The following CARD6 variants were observed in gnomAD, a reference collection of about 807,000 sequenced individuals.
CARD6 encodes the protein caspase recruitment domain-containing protein 6.
A neutral mutation model predicts 23.6 loss-of-function variants in CARD6; 27 were observed. That is an observed-to-expected ratio of 1.14 (90% CI 0.84 to 1.58). The LOEUF is 1.58. CARD6 is among the 40% of genes most tolerant of loss of function. The probability of loss-of-function intolerance (pLI) is 0.00; values close to 1 mark genes in which losing one functional copy is unlikely to be tolerated. For missense variants in CARD6, 1,214 were observed against 1,209.9 expected, an observed-to-expected ratio of 1.00 and a Z score of -0.05; for synonymous variants, 397 against 431.8, an observed-to-expected ratio of 0.92 and a Z score of 1.00.
At position 40,852,342 on chromosome 5, in the gene CARD6, A is replaced by T. The variant is rs1746081250; in HGVS notation, c.1010A>T (p.Asp337Val). Residue 337 changes from aspartate (D) to valine (V), a missense_variant, in exon 3 of 3, where the codon GAT becomes GTT. Asp to Val is a radical substitution (Grantham distance 152, BLOSUM62 -3). Transcript: ENST00000254691. ...TTCCTGATGAAAGTTCAAGCACGAG[A>T]TGTGACGGCTAGGGATTCAATCCTC... ...WNFLMKVQAR[D>V]VTARDSILSH... 1 of 1,614,012 alleles carries T rather than the reference A, an allele frequency of 6.2e-7. No homozygotes were observed. The highest frequency in any genetic ancestry group is 1.3e-5 in the African/African-American group (1 of 74,922).
In CARD6 at chr5:40,845,308, G is replaced by A. The variant is rs967079669; in HGVS notation, c.841+1599G>A. ...TTCAAATGTCCTTGTCCCTGAGTGT[G>A]CACCCCTTTGGCCAAAATAAAAAAG... On this transcript the variant is annotated intron_variant, in intron 2 of 2. Coordinates refer to ENST00000254691, the MANE Select transcript of CARD6 (RefSeq NM_032587.4). 2.6e-4 allele frequency among the ~76,000 whole-genome samples: 39 copies of A among 152,050 alleles called. 1 individual carries two copies. The highest frequency in any genetic ancestry group is 8.7e-4 in the African/African-American group (36 of 41,374).
At position 40,850,721 on chromosome 5, in the gene CARD6, CAAAAAAAAAAAAAAA is replaced by C; in HGVS notation, c.842-1442_842-1428del. Among the ~76,000 whole-genome samples, 2 of 46,542 alleles carry C rather than the reference CAAAAAAAAAAAAAAA, an allele frequency of 4.3e-5. 1 individual carries two copies. Among genetic ancestry groups the C allele is most frequent in the East Asian group, 1.7e-3 (2 of 1,212 alleles). 30.5% of individuals were successfully genotyped at this position (46,542 alleles called of 152,430 possible). A position where few individuals can be genotyped will look rare whatever the true frequency, so the allele number is the denominator to read the frequency against. ...TGGTGACAGAGTGAGACTCCGTCTCCAAAAAAAAAAAAAAAAAAAAAAAAACCAGTATCAACCTAG... is the reference window on the plus strand; with the variant it reads ...TGGTGACAGAGTGAGACTCCGTCTCCAAAAAAAAAACCAGTATCAACCTAG... On this transcript the variant is annotated intron_variant, in intron 2 of 2. Transcript: ENST00000254691.
chr5:40,854,093 CA>C lies in CARD6; in HGVS notation c.2763del (p.Gly922ValfsTer10). 6.2e-7 allele frequency: 1 copy of C among 1,614,220 alleles called. No homozygotes were observed. Among genetic ancestry groups the C allele is most frequent in the Non-Finnish European group, 8.5e-7 (1 of 1,180,046 alleles). On this transcript the variant is annotated frameshift_variant, in exon 3 of 3. Coordinates refer to ENST00000254691, the MANE Select transcript of CARD6 (RefSeq NM_032587.4). LOFTEE classifies it low-confidence loss of function (END_TRUNC). ...TCAGCAAGGAGTCCAGATGAAGACA[CA>C]AGGTGGGGCTTCAAATCCAGCTCTC... Reference protein sequence around the residue: ...ASQQGVQMKTQGGASNPALQI... With the variant: ...ASQQGVQMKTXGGASNPALQI...
chr5:40,852,630 C>G lies in CARD6; in HGVS notation c.1298C>G (p.Thr433Arg), dbSNP rs531378160. ...AAAGACATTGTGAAGAAGCAGTCAA[C>G]ACAGTTTTCAGGGGGGCCTACAGAG... ...AMKDIVKKQS[T>R]QFSGGPTEDT... Residue 433 changes from threonine to arginine, a missense_variant, in exon 3 of 3, where the codon ACA (threonine) becomes AGA (arginine). Coordinates refer to ENST00000254691, the MANE Select transcript of CARD6 (RefSeq NM_032587.4). 15 of 1,614,162 alleles carry G rather than the reference C, an allele frequency of 9.3e-6. No homozygotes were observed. Among genetic ancestry groups the G allele is most frequent in the Non-Finnish European group, 1.2e-5 (14 of 1,180,024 alleles).
rs771278080 is a variant in CARD6 at position 40,853,127 on chromosome 5, A to T, written c.1795A>T (p.Ile599Leu). ...ESEEAQIFQR[I>L]LNLKPAQLLF... ...TGAAGAGGCTCAAATTTTTCAGAGGATACTGAACTTGAAGCCAGCACAGCT... is the reference window on the plus strand; with the variant it reads ...TGAAGAGGCTCAAATTTTTCAGAGGTTACTGAACTTGAAGCCAGCACAGCT... Residue 599 changes from isoleucine (I) to leucine (L), a missense_variant, in exon 3 of 3, where the codon ATA (isoleucine) becomes TTA (leucine). By Grantham distance (5) the Ile-to-Leu change is conservative. Transcript: ENST00000254691. 3.1e-6 allele frequency: 5 copies of T among 1,614,096 alleles called. No individual in the cohort carries two copies. The highest frequency in any genetic ancestry group is 4.2e-6 in the Non-Finnish European group (5 of 1,180,006).
intron 2 of CARD6, among the ~76,000 whole-genome samples, chr5:40,847,424 C>T (rs774818896): frequency 1.3e-5 from 2 of 152,116 alleles, no homozygotes; most frequent in Non-Finnish European, 2.9e-5. Flanking sequence ...GTTTACCTTT[C>T]CCTGTGGCCT....
intron 1 of CARD6, 74 bp downstream of exon 1, chr5:40,841,739 G>A: frequency 8.1e-7 from 1 of 1,235,082 alleles, no homozygotes; most frequent in South Asian, 1.7e-5. Context: ...CAAAATGAAA[G>A]AAAATTGTTG....
intron 2 of CARD6, among the ~76,000 whole-genome samples, chr5:40,843,967 G>A (rs996709433): frequency 8.5e-5 from 13 of 152,166 alleles, no homozygotes; most frequent in East Asian, 1.9e-4. Flanking sequence ...TCTGTAGTTC[G>A]TATAAGGAGT....
In CARD6 at chr5:40,853,286, G is replaced by A; in HGVS notation, c.1954G>A (p.Glu652Lys). Residue 652 changes from glutamate to lysine, a missense_variant, in exon 3 of 3, where the codon GAG becomes AAG. By Grantham distance (56) the Glu-to-Lys change is moderately conservative (BLOSUM62 1). Coordinates refer to ENST00000254691, the MANE Select transcript of CARD6 (RefSeq NM_032587.4). ...SVEDMAALAR[E>K]LGIQVDEDFE... The stretch of plus-strand genomic sequence containing the variant: ...GGAGGATATGGCCGCCCTGGCCAGG[G>A]AGCTGGGGATTCAGGTAGATGAAGA... The A allele has an allele frequency of 2.5e-6, 4 of 1,614,198 alleles. No homozygotes were observed. The highest frequency in any genetic ancestry group is 1.3e-5 in the African/African-American group (1 of 75,044).
Position 40,852,155 on chromosome 5 carries a change from A to G in CARD6, c.842-19A>G. Reference sequence around the variant, plus strand: ...TGAAACTCTGAACATGGCATTCACTATTATCTTCTCTCCTACAGAAAGAAA... The same window carrying G: ...TGAAACTCTGAACATGGCATTCACTGTTATCTTCTCTCCTACAGAAAGAAA... On this transcript the variant is annotated intron_variant, in intron 2 of 2. Transcript: ENST00000254691. 2 of 1,500,114 alleles carry G rather than the reference A, an allele frequency of 1.3e-6. No homozygotes were observed. The highest frequency in any genetic ancestry group is 2.4e-5 in the South Asian group (2 of 83,532). The allele number at this position is 1,500,114 out of a possible 1,614,324, so 92.9% of individuals were successfully genotyped here.
chr5:40,851,182 T>C (rs1746059243), intron 2 of CARD6, among the ~76,000 whole-genome samples: 1 of 151,684 alleles, frequency 6.6e-6, no homozygotes, highest in Non-Finnish European at 1.5e-5. Flanking sequence ...ATACAAAAAT[T>C]AGCTTGGTGT....
chr5:40,843,144 CT>C lies in CARD6; in HGVS notation c.284-5del. Reference sequence around the variant, plus strand: ...CTTAATTGGGAAAAACAATTCTTTTCTTTGCAGAAGTTTTAAAACATGAGAA... The same window carrying C: ...CTTAATTGGGAAAAACAATTCTTTTCTTGCAGAAGTTTTAAAACATGAGAA... On this transcript the variant is annotated splice_polypyrimidine_tract_variant and splice_region_variant and intron_variant, in intron 1 of 2. Coordinates refer to ENST00000254691, the MANE Select transcript of CARD6 (RefSeq NM_032587.4). 1.9e-6 allele frequency: 3 copies of C among 1,554,428 alleles called. No individual in the cohort carries two copies. Among genetic ancestry groups the C allele is most frequent in the South Asian group, 1.2e-5 (1 of 81,658 alleles).
rs778397397 is a variant in CARD6 at position 40,853,397 on chromosome 5, C to T, written c.2065C>T (p.Gln689Ter). The T allele has an allele frequency of 1.2e-6, 2 of 1,614,126 alleles. No homozygotes were observed. The highest frequency in any genetic ancestry group is 1.7e-6 in the Non-Finnish European group (2 of 1,180,020). The change falls in exon 3 of 3, where the codon CAG (glutamine) becomes TAG (stop). Residue 689 changes from glutamine to a stop codon, truncating the protein, a stop_gained. Transcript: ENST00000254691. LOFTEE classifies it low-confidence loss of function (END_TRUNC). The part of the protein sequence containing the change: ...AEGEGQQRHS[Q>*]LKSSSKSQAL... ...AGGTGAGGGTCAGCAAAGACACAGT[C>T]AGCTAAAAAGCTCATCTAAAAGCCA...
chr5:40,843,733 A>C, intron 2 of CARD6, 24 bp downstream of exon 2: 1 of 1,432,562 alleles, frequency 7.0e-7, no homozygotes, highest in Non-Finnish European at 9.3e-7. Flanking sequence ...TTGTATAGTT[A>C]GTTAGGCAAC....
At position 40,848,924 on chromosome 5, in the gene CARD6, T is replaced by C. The variant is rs183457362; in HGVS notation, c.842-3250T>C. Among the ~76,000 whole-genome samples, 288 of 152,296 alleles carry C rather than the reference T, an allele frequency of 1.9e-3. 1 individual carries two copies. The highest frequency in any genetic ancestry group is 4.9e-3 in the African/African-American group (203 of 41,564). On this transcript the variant is annotated intron_variant, in intron 2 of 2. Transcript: ENST00000254691. ...GATACATCTCTGTTTTGTGTGTACA[T>C]CTACTCTGTTGCTTTGATCTGCTCC...
chr5:40,853,563 A>G lies in CARD6; in HGVS notation c.2231A>G (p.His744Arg), dbSNP rs1338977988. Residue 744 changes from histidine to arginine, a missense_variant, in exon 3 of 3, where the codon CAT becomes CGT. Coordinates refer to ENST00000254691, the MANE Select transcript of CARD6 (RefSeq NM_032587.4). Reference protein sequence around the residue: ...FPTRIGGNFNHVSLKASWVMG... With the variant: ...FPTRIGGNFNRVSLKASWVMG... ...ACCAGAATTGGAGGTAACTTTAACC[A>G]TGTTTCCTTGAAAGCCTCCTGGGTT... The G allele has an allele frequency of 1.9e-6, 3 of 1,614,192 alleles. No individual in the cohort carries two copies. The highest frequency in any genetic ancestry group is 2.5e-6 in the Non-Finnish European group (3 of 1,180,036).
At position 40,843,174 on chromosome 5, in the gene CARD6, A is replaced by C. The variant is rs758720164; in HGVS notation, c.306A>C (p.Thr102=). ...CAGAAGTTTTAAAACATGAGAATAC[A>C]GTACCTCCTCAATCTATGGGGGCAA... ...LRHEVLKHEN[T]VPPQSMGASS... is the part of the protein sequence containing the mutation. Residue 102 remains threonine (T), a synonymous_variant, in exon 2 of 3, where the codon ACA becomes ACC. Coordinates refer to ENST00000254691, the MANE Select transcript of CARD6 (RefSeq NM_032587.4). 4 of 1,596,482 alleles carry C rather than the reference A, an allele frequency of 2.5e-6. No homozygotes were observed. The highest frequency in any genetic ancestry group is 1.8e-5 in the Admixed American group (1 of 54,282).
chr5:40,854,599 T>C lies in CARD6; in HGVS notation c.*153T>C. The C allele has an allele frequency of 1.5e-6, 1 of 688,140 alleles. No homozygotes were observed. Among genetic ancestry groups the C allele is most frequent in the Non-Finnish European group, 2.4e-6 (1 of 414,758 alleles). 42.6% of individuals were successfully genotyped at this position (688,140 alleles called of 1,614,324 possible). On this transcript the variant is annotated 3_prime_UTR_variant, in exon 3 of 3. Coordinates refer to ENST00000254691, the MANE Select transcript of CARD6 (RefSeq NM_032587.4). Reference sequence around the variant, plus strand: ...CATGACTGAATTGGATATCTTTGTTTGTTTGTTTGAGACAGAGTTTCACTC... The same window carrying C: ...CATGACTGAATTGGATATCTTTGTTCGTTTGTTTGAGACAGAGTTTCACTC...
rs758204476 is a variant in CARD6 at position 40,853,187 on chromosome 5, AG to A, written c.1857del (p.Lys620ArgfsTer13). ...GGAGAGGGGAGATGCTGGGGATAGA[AG>A]GAAGAACATGGAGGGCCTTCAAGCT... ...FWERGDAGDR[R>X]KNMEGLQAAL... On this transcript the variant is annotated frameshift_variant, in exon 3 of 3. Coordinates refer to ENST00000254691, the MANE Select transcript of CARD6 (RefSeq NM_032587.4). LOFTEE classifies it low-confidence loss of function (END_TRUNC). The A allele has an allele frequency of 1.7e-5, 28 of 1,614,082 alleles. No homozygotes were observed. The highest frequency in any genetic ancestry group is 2.2e-5 in the Non-Finnish European group (26 of 1,180,042).
Sources: gnomAD v4.1 joint callset for allele counts (sites outside exome capture counted in the v4.1 genomes callset) on GRCh38, gnomAD v4.1.1 for gene constraint, MANE v1.5 for transcripts, NCBI Gene and HGNC (gene_info 2026-07-23, HGNC 2026-07-21) for gene names.